Variants in ARHGEF3 observed in about 807,000 individuals in gnomAD.
The protein encoded by ARHGEF3 is 59.8 kDA protein.
In ARHGEF3, 28 loss-of-function variants were observed where a neutral mutation model predicts 63.2. The ratio of observed to expected loss-of-function variants is 0.44; its 90% confidence interval spans 0.33 to 0.61. The LOEUF (loss-of-function observed/expected upper bound fraction) is 0.61, where lower values mean the gene tolerates loss of function less well. ARHGEF3 is among the 20% of genes least tolerant of loss of function. The pLI, the probability that ARHGEF3 is intolerant of heterozygous loss-of-function variation, is 0.03. For missense variants in ARHGEF3, 533 were observed against 659.3 expected (o/e 0.81, Z 2.10); for synonymous variants, 266 against 254.2 (o/e 1.05, Z -0.44).
chr3:57,060,181 G>A (rs1038782662), intron 1 of ARHGEF3, among the ~76,000 whole-genome samples: 4 of 151,446 alleles, frequency 2.6e-5, no homozygotes, highest in African/African-American at 7.3e-5. Context: ...TTAGCTGGGT[G>A]TGTGACATGT....
rs1331042336 is a variant in ARHGEF3, at chr3:56,844,811, G to T, written c.192+37481C>A. ...TTACACATAGCAGATGGCCTCTTAA[G>T]ATGTCCCCCATGATCCCTGCCTCCT... On this transcript the variant is annotated intron_variant, in intron 4 of 12. Coordinates refer to the ARHGEF3 transcript ENST00000338458. 4.6e-5 allele frequency among the ~76,000 whole-genome samples: 7 copies of T among 152,158 alleles called. No individual in the cohort carries two copies. In the South Asian group the frequency reaches 1.2e-3, roughly 27 times the overall value.
intron 3 of ARHGEF3, among the ~76,000 whole-genome samples, chr3:56,914,538 G>A (rs2041935622): frequency 6.6e-6 from 1 of 152,154 alleles, no homozygotes; most frequent in African/African-American, 2.4e-5. Flanking sequence ...ATAATGAAAT[G>A]CAAAATATGT....
chr3:56,877,092 A>G (rs1409920953), intron 4 of ARHGEF3, among the ~76,000 whole-genome samples: 1 of 152,212 alleles, frequency 6.6e-6, no homozygotes, highest in Non-Finnish European at 1.5e-5. Context: ...AAAAATATTC[A>G]TACTCTTTTA....
At chr3:56,969,897 A>G (rs1389820101) in intron 2 of ARHGEF3, among the ~76,000 whole-genome samples, 2 of 152,202 alleles carry the variant, frequency 1.3e-5, no homozygotes, top group African/African-American at 4.8e-5. Flanking sequence ...ATGCCACACC[A>G]TGGAAGAATC....
At chr3:56,774,792 G>A (rs1007721758) in intron 1 of ARHGEF3, among the ~76,000 whole-genome samples, 4 of 151,980 alleles carry the variant, frequency 2.6e-5, no homozygotes, top group African/African-American at 4.8e-5. Flanking sequence ...CCAGCTACTC[G>A]GGAGGCGTGG....
At chr3:56,972,045 C>G (rs1036586901) in intron 2 of ARHGEF3, among the ~76,000 whole-genome samples, 1 of 151,986 alleles carries the variant, frequency 6.6e-6, no homozygotes, top group Non-Finnish European at 1.5e-5. Flanking sequence ...TATCTATTTC[C>G]TTATTTCAAG....
At chr3:56,837,807 T>G (rs1393072914) in intron 4 of ARHGEF3, among the ~76,000 whole-genome samples, 2 of 152,194 alleles carry the variant, frequency 1.3e-5, no homozygotes, top group African/African-American at 4.8e-5. Context: ...TCTGGTCAGG[T>G]CAGGGCTGTT....
intron 1 of ARHGEF3, among the ~76,000 whole-genome samples, chr3:56,796,941 G>T (rs573047529): frequency 6.6e-6 from 1 of 152,254 alleles, no homozygotes; most frequent in Non-Finnish European, 1.5e-5. Context: ...ACAACATTCA[G>T]GAAATTAGGC....
intron 3 of ARHGEF3, among the ~76,000 whole-genome samples, chr3:56,911,012 T>G (rs1226941463): frequency 6.6e-6 from 1 of 152,108 alleles, no homozygotes; most frequent in African/African-American, 2.4e-5. Flanking sequence ...CTCCAGGATC[T>G]CAGTCCTTGA....
At chr3:56,943,735 T>C (rs1328396410) in intron 3 of ARHGEF3, among the ~76,000 whole-genome samples, 3 of 152,036 alleles carry the variant, frequency 2.0e-5, no homozygotes, top group African/African-American at 7.2e-5. Flanking sequence ...ACCAACACGA[T>C]AAAACCCCAT....
At chr3:56,934,507 C>T (rs1475982694) in intron 3 of ARHGEF3, among the ~76,000 whole-genome samples, 1 of 149,914 alleles carries the variant, frequency 6.7e-6, no homozygotes, top group Non-Finnish European at 1.5e-5. Flanking sequence ...GCGGTGCTGG[C>T]GGGCCAGCTG....
chr3:57,030,580 C>T (rs970382468), intron 2 of ARHGEF3, among the ~76,000 whole-genome samples: 1 of 152,224 alleles, frequency 6.6e-6, no homozygotes, highest in Non-Finnish European at 1.5e-5. Context: ...CATTTCACCA[C>T]AGGTCCATTC....
intron 3 of ARHGEF3, among the ~76,000 whole-genome samples, chr3:56,915,922 C>T (rs969024342): frequency 3.3e-5 from 5 of 152,146 alleles, no homozygotes; most frequent in Non-Finnish European, 5.9e-5. Context: ...TTTTCCTTCC[C>T]ATTAATTAAA....
chr3:56,783,869 C>T (rs1178745956), intron 1 of ARHGEF3, among the ~76,000 whole-genome samples: 1 of 152,084 alleles, frequency 6.6e-6, no homozygotes, highest in Non-Finnish European at 1.5e-5. Context: ...TTAAATTGGC[C>T]CAAGATTAAA....
intron 4 of ARHGEF3, among the ~76,000 whole-genome samples, chr3:56,819,320 C>T (rs1310304846): frequency 6.6e-6 from 1 of 152,180 alleles, no homozygotes; most frequent in African/African-American, 2.4e-5. Context: ...TCTTTGAACT[C>T]AGGTCCAGAA....
intron 4 of ARHGEF3, among the ~76,000 whole-genome samples, chr3:56,817,589 G>C (rs771093524): frequency 3.9e-4 from 59 of 152,314 alleles, no homozygotes; most frequent in Middle Eastern, 6.8e-3. Context: ...AATAATGTTA[G>C]GTGCCATTTG....
At chr3:56,835,387 G>A (rs578125871) in intron 4 of ARHGEF3, among the ~76,000 whole-genome samples, 2 of 152,116 alleles carry the variant, frequency 1.3e-5, no homozygotes, top group South Asian at 4.2e-4. Context: ...TGTTGGCCAA[G>A]CTGGTCTCGA....
At chr3:56,840,970 G>A (rs2039290516) in intron 4 of ARHGEF3, among the ~76,000 whole-genome samples, 2 of 152,064 alleles carry the variant, frequency 1.3e-5, no homozygotes, top group East Asian at 1.9e-4. Flanking sequence ...CATACACACA[G>A]TTAAGCAGTA....
chr3:56,901,757 T>A (rs2041518167), intron 3 of ARHGEF3, among the ~76,000 whole-genome samples: 1 of 152,096 alleles, frequency 6.6e-6, no homozygotes, highest in South Asian at 2.1e-4. Flanking sequence ...CTAATTTTTT[T>A]ATTTTTATTT....
Sources: gnomAD v4.1 joint callset for allele counts (sites outside exome capture counted in the v4.1 genomes callset) on GRCh38, gnomAD v4.1.1 for gene constraint, MANE v1.5 for transcripts, NCBI Gene and HGNC (gene_info 2026-07-23, HGNC 2026-07-21) for gene names.